TCF7L1: variants seen among roughly 807,000 people sequenced by gnomAD.
TCF7L1 encodes transcription factor 7-like 1.
TCF7L1 carries 18 observed loss-of-function variants against 63.7 expected under a neutral mutation model. The observed-to-expected ratio is 0.28, with a 90% CI of 0.20 to 0.42. The LOEUF (loss-of-function observed/expected upper bound fraction) is 0.42, where lower values mean the gene tolerates loss of function less well. Among genes scored for constraint, TCF7L1 ranks in the 10% least tolerant of loss-of-function variants. TCF7L1 has a pLI of 1.00. For synonymous variants in TCF7L1, 355 were observed against 340.9 expected (o/e 1.04, Z -0.46); for missense variants, 654 against 779.3 (o/e 0.84, Z 1.91).
chr2:85,257,704 C>T (rs1227647024), intron 3 of TCF7L1, among the ~76,000 whole-genome samples: 1 of 152,200 alleles, frequency 6.6e-6, no homozygotes, highest in Non-Finnish European at 1.5e-5. Context: ...GGGGAGCCCA[C>T]GCCCACTGCA....
At chr2:85,288,818 C>G (rs1391030328) in intron 4 of TCF7L1, among the ~76,000 whole-genome samples, 1 of 152,214 alleles carries the variant, frequency 6.6e-6, no homozygotes, top group African/African-American at 2.4e-5. Context: ...ATCCAGACCC[C>G]TCACCATGGC....
intron 3 of TCF7L1, among the ~76,000 whole-genome samples, chr2:85,170,050 G>A (rs1278220934): frequency 1.3e-5 from 2 of 152,222 alleles, no homozygotes; most frequent in African/African-American, 2.4e-5. Flanking sequence ...TGGATCTAGA[G>A]CATGACAAGA....
At chr2:85,139,569 G>A (rs1425497515) in intron 3 of TCF7L1, among the ~76,000 whole-genome samples, 3 of 152,190 alleles carry the variant, frequency 2.0e-5, no homozygotes, top group African/African-American at 7.2e-5. Flanking sequence ...AAGGCAGGTC[G>A]AAGAAGTAGG....
chr2:85,143,115 G>C (rs1332131268), intron 3 of TCF7L1, among the ~76,000 whole-genome samples: 1 of 152,190 alleles, frequency 6.6e-6, no homozygotes, highest in Non-Finnish European at 1.5e-5. Flanking sequence ...GGGTCCTCAG[G>C]ACAGGAAATG....
At chr2:85,226,038 G>T (rs557339134) in intron 3 of TCF7L1, among the ~76,000 whole-genome samples, 3 of 152,182 alleles carry the variant, frequency 2.0e-5, no homozygotes. Context: ...AGATAATCAC[G>T]TGGTTTTTGT....
At chr2:85,205,935 G>T (rs1326054861) in intron 3 of TCF7L1, among the ~76,000 whole-genome samples, 1 of 152,232 alleles carries the variant, frequency 6.6e-6, no homozygotes, top group Non-Finnish European at 1.5e-5. Flanking sequence ...CCTGGAGATG[G>T]ATAATTCATT....
intron 3 of TCF7L1, among the ~76,000 whole-genome samples, chr2:85,177,084 G>A (rs903320698): frequency 1.1e-4 from 17 of 152,110 alleles, no homozygotes; most frequent in African/African-American, 4.1e-4. Context: ...GGAGGATAGA[G>A]GGTGAGATCA....
intron 4 of TCF7L1, among the ~76,000 whole-genome samples, chr2:85,301,794 C>T (rs534041095): frequency 3.1e-4 from 47 of 152,230 alleles, no homozygotes; most frequent in African/African-American, 1.1e-3. Flanking sequence ...AACCTGAGAG[C>T]AACTGTTTCT....
intron 3 of TCF7L1, among the ~76,000 whole-genome samples, chr2:85,231,107 A>T (rs1484952008): frequency 4.6e-5 from 7 of 152,196 alleles, no homozygotes; most frequent in African/African-American, 1.7e-4. Flanking sequence ...GAACGAGGTT[A>T]CTAAGCTGGC....
At position 85,285,943 on chromosome 2, in the gene TCF7L1, G is replaced by A. The variant is rs1681536991; in HGVS notation, c.525+2365G>A. The stretch of plus-strand genomic sequence containing the variant: ...GTGGTGGCTCACGCCTGTAATCCCA[G>A]CACTTTGGGAAGCTGAGGCAGGCAG... On this transcript the variant is annotated intron_variant, in intron 4 of 11. Coordinates refer to ENST00000282111, the MANE Select transcript of TCF7L1 (RefSeq NM_031283.3). Among the ~76,000 whole-genome samples the A allele has an allele frequency of 2.0e-5, 3 of 152,154 alleles. No individual in the cohort carries two copies. In the South Asian group the frequency reaches 6.2e-4, roughly 32 times the overall value.
chr2:85,134,053 A>G lies in TCF7L1; in HGVS notation c.287A>G (p.Gln96Arg). ...RRPQPVRDTFQKPRDYFAEVR... is the reference protein window; with the variant it reads ...RRPQPVRDTFRKPRDYFAEVR... ...CCGCAGCCCGTCCGGGACACTTTCC[A>G]GAAGCCGCGGGACTATTTCGCCGAA... The change falls in exon 2 of 12, where the codon CAG becomes CGG. Residue 96 changes from glutamine to arginine, a missense_variant. Transcript: ENST00000282111. The surrounding 1 kb of genome is among the most constrained non-coding windows in gnomAD (Gnocchi z 5.0). 6.2e-7 allele frequency: 1 copy of G among 1,610,708 alleles called. No individual in the cohort carries two copies.
intron 3 of TCF7L1, among the ~76,000 whole-genome samples, chr2:85,203,172 C>T (rs1679317193): frequency 6.6e-6 from 1 of 152,140 alleles, no homozygotes; most frequent in African/African-American, 2.4e-5. Flanking sequence ...AAAGTGTATT[C>T]TCCATAGTTT....
chr2:85,240,684 G>C (rs562449849), intron 3 of TCF7L1, among the ~76,000 whole-genome samples: 1 of 151,578 alleles, frequency 6.6e-6, no homozygotes, highest in South Asian at 2.1e-4. Flanking sequence ...TCTGAGGCAG[G>C]AGAATCGCTT....
chr2:85,192,311 A>G lies in TCF7L1; in HGVS notation c.441+57861A>G, dbSNP rs575235019. 5.9e-5 allele frequency among the ~76,000 whole-genome samples: 9 copies of G among 152,376 alleles called. No homozygotes were observed. In the Middle Eastern group the frequency reaches 0.01, roughly 173 times the overall value. On this transcript the variant is annotated intron_variant, in intron 3 of 11. Coordinates refer to ENST00000282111, the MANE Select transcript of TCF7L1 (RefSeq NM_031283.3). ...CCTCTCCCCCAAACTCAGTCTAGTCATCTGCAAAATGGAGCTAGCAGTGAA... is the reference window on the plus strand; with the variant it reads ...CCTCTCCCCCAAACTCAGTCTAGTCGTCTGCAAAATGGAGCTAGCAGTGAA...
At chr2:85,242,610 T>C (rs1166623522) in intron 3 of TCF7L1, among the ~76,000 whole-genome samples, 12 of 152,208 alleles carry the variant, frequency 7.9e-5, no homozygotes, top group Non-Finnish European at 7.3e-5. Flanking sequence ...GGGCTTGGCA[T>C]TGAGGTTTGT....
intron 4 of TCF7L1, among the ~76,000 whole-genome samples, chr2:85,286,737 C>T (rs1681568849): frequency 6.6e-6 from 1 of 152,110 alleles, no homozygotes; most frequent in African/African-American, 2.4e-5. Flanking sequence ...TCAGGTGATC[C>T]ACCCTCCTCG....
intron 3 of TCF7L1, among the ~76,000 whole-genome samples, chr2:85,199,333 C>A (rs993467184): frequency 6.6e-6 from 1 of 152,112 alleles, no homozygotes; most frequent in Admixed American, 6.6e-5. Context: ...GTGGAAGAGA[C>A]AATAAAATAA....
chr2:85,133,793 G>A lies in TCF7L1; in HGVS notation c.109G>A (p.Glu37Lys). 7.2e-7 allele frequency: 1 copy of A among 1,386,578 alleles called. No individual in the cohort carries two copies. The highest frequency in any genetic ancestry group is 9.4e-7 in the Non-Finnish European group (1 of 1,064,188). The allele number at this position is 1,386,578 out of a possible 1,614,324, so 85.9% of individuals were successfully genotyped here. ...GGGDDLGAND[E>K]LIPFQDEGGE... ...AGGGGACGACCTCGGGGCGAACGAC[G>A]AGCTGATCCCCTTCCAGGACGAGGG... Residue 37 changes from glutamate (E) to lysine (K), a missense_variant, in exon 1 of 12, where the codon GAG becomes AAG. Physicochemically the swap from Glu to Lys is moderately conservative, Grantham distance 56. This residue lies in a region of TCF7L1 where 404 missense variants were observed against 454.8 expected (regional missense o/e 0.89). Coordinates refer to ENST00000282111, the MANE Select transcript of TCF7L1 (RefSeq NM_031283.3). The surrounding 1 kb of genome is among the most constrained non-coding windows in gnomAD (Gnocchi z 4.4).
intron 3 of TCF7L1, among the ~76,000 whole-genome samples, chr2:85,225,706 A>T (rs564950807): frequency 1.5e-3 from 227 of 152,368 alleles, no homozygotes; most frequent in African/African-American, 5.2e-3. Flanking sequence ...CTAAATATAC[A>T]GTCATGTCAT....
Sources: allele counts gnomAD v4.1 joint callset (sites outside exome capture counted in the v4.1 genomes callset), GRCh38; gene constraint gnomAD v4.1.1; regional missense constraint gnomAD v4.1.1; non-coding constraint Gnocchi (gnomAD v3.1); transcripts MANE v1.5; gene names NCBI Gene and HGNC (gene_info 2026-07-23, HGNC 2026-07-21).